Variants in YWHAE observed in about 807,000 individuals in gnomAD.
The protein encoded by YWHAE is 14-3-3 protein epsilon.
A neutral mutation model predicts 30.1 loss-of-function variants in YWHAE; 4 were observed. That is an observed-to-expected ratio of 0.13 (90% CI 0.07 to 0.30). YWHAE has a LOEUF of 0.30. Ranked by LOEUF, YWHAE falls within the 10% of genes least tolerant of loss-of-function variation. The pLI, the probability that YWHAE is intolerant of heterozygous loss-of-function variation, is 1.00. For missense variants in YWHAE, 121 were observed against 315.9 expected, an observed-to-expected ratio of 0.38 and a Z score of 4.68; for synonymous variants, 118 against 111.8, an observed-to-expected ratio of 1.06 and a Z score of -0.35.
At chr17:1,349,592 A>C (rs377638574) in intron 5 of YWHAE, among the ~76,000 whole-genome samples, 6 of 151,480 alleles carry the variant, frequency 4.0e-5, no homozygotes, top group Admixed American at 1.3e-4. Context: ...TCAATAAGGA[A>C]TTGAACACAA....
intron 2 of YWHAE, among the ~76,000 whole-genome samples, chr17:1,362,629 T>C (rs2072881793): frequency 6.6e-6 from 1 of 152,010 alleles, no homozygotes; most frequent in Non-Finnish European, 1.5e-5. Context: ...CTGATCATGC[T>C]GAACACGCAC....
chr17:1,356,832 C>A (rs2072752855), intron 4 of YWHAE, among the ~76,000 whole-genome samples: 1 of 151,810 alleles, frequency 6.6e-6, no homozygotes, highest in Non-Finnish European at 1.5e-5. Flanking sequence ...CAGTCAAGCG[C>A]AGTGAAGCAT....
intron 1 of YWHAE, among the ~76,000 whole-genome samples, chr17:1,376,367 AG>A (rs2073123408): frequency 6.6e-6 from 1 of 151,176 alleles, no homozygotes; most frequent in African/African-American, 2.4e-5. Context: ...AAAGACAGAC[AG>A]ACAGACAGAA....
At chr17:1,392,821 G>A (rs976894167) in intron 1 of YWHAE, among the ~76,000 whole-genome samples, 2 of 151,540 alleles carry the variant, frequency 1.3e-5, no homozygotes, top group African/African-American at 4.9e-5. Context: ...CTGCACTCCA[G>A]CCTGAATGAC....
At chr17:1,398,156 T>A (rs1372098026) in intron 1 of YWHAE, among the ~76,000 whole-genome samples, 1 of 152,122 alleles carries the variant, frequency 6.6e-6, no homozygotes, top group Non-Finnish European at 1.5e-5. Context: ...ACCCACAAAA[T>A]AGAAAGCATT....
At chr17:1,387,038 C>T (rs1010049341) in intron 1 of YWHAE, among the ~76,000 whole-genome samples, 7 of 151,846 alleles carry the variant, frequency 4.6e-5, no homozygotes, top group Non-Finnish European at 7.4e-5. Context: ...TCAGCTTTTG[C>T]TAGGTTAAAA....
At position 1,345,149 on chromosome 17, in the gene YWHAE, C is replaced by T; in HGVS notation, c.*298G>A. On this transcript the variant is annotated 3_prime_UTR_variant, in exon 6 of 6. Coordinates refer to ENST00000264335, the MANE Select transcript of YWHAE (RefSeq NM_006761.5). ...TTTCCATTTGCTAATGGTGATCTTGCCACATCTGGCACGGAGACGACACAG... is the reference window on the plus strand; with the variant it reads ...TTTCCATTTGCTAATGGTGATCTTGTCACATCTGGCACGGAGACGACACAG... The T allele has an allele frequency of 7.1e-6, 3 of 424,816 alleles. No homozygotes were observed. The South Asian group carries it at 1.3e-4, about 18-fold the overall frequency. 26.3% of individuals were successfully genotyped at this position (424,816 alleles called of 1,614,324 possible). A position where few individuals can be genotyped will look rare whatever the true frequency, so the allele number is the denominator to read the frequency against.
At chr17:1,352,489 G>A (rs1298879018) in intron 5 of YWHAE, among the ~76,000 whole-genome samples, 4 of 151,642 alleles carry the variant, frequency 2.6e-5, no homozygotes, top group Admixed American at 6.6e-5. Context: ...CTCAAGCAAC[G>A]CGACATATGT....
intron 1 of YWHAE, among the ~76,000 whole-genome samples, chr17:1,390,617 T>A (rs910731731): frequency 2.0e-5 from 3 of 152,216 alleles, no homozygotes; most frequent in African/African-American, 4.8e-5. Context: ...ATTTGAAAGA[T>A]AAGGAACCCA....
intron 1 of YWHAE, among the ~76,000 whole-genome samples, chr17:1,369,163 CCTTT>C (rs1345582758): frequency 6.6e-6 from 1 of 152,140 alleles, no homozygotes. Context: ...TTTAATAATA[CCTTT>C]ATTTATATAT....
intron 1 of YWHAE, among the ~76,000 whole-genome samples, chr17:1,387,285 C>CATA (rs1267529765): frequency 6.6e-6 from 1 of 152,152 alleles, no homozygotes; most frequent in Non-Finnish European, 1.5e-5. Context: ...GATACTCCCT[C>CATA]ATAAACACGT....
intron 1 of YWHAE, among the ~76,000 whole-genome samples, chr17:1,372,129 C>T (rs1169744796): frequency 1.3e-5 from 2 of 152,176 alleles, no homozygotes; most frequent in African/African-American, 4.8e-5. Flanking sequence ...TGAGCCACCG[C>T]GCTCAGCCGA....
intron 2 of YWHAE, among the ~76,000 whole-genome samples, chr17:1,364,160 A>C (rs2072906979): frequency 6.6e-6 from 1 of 152,018 alleles, no homozygotes; most frequent in Non-Finnish European, 1.5e-5. Context: ...AAATAACTTC[A>C]TTAAATAATC....
At chr17:1,378,167 A>T (rs1021338852) in intron 1 of YWHAE, among the ~76,000 whole-genome samples, 1 of 152,240 alleles carries the variant, frequency 6.6e-6, no homozygotes, top group Non-Finnish European at 1.5e-5. Flanking sequence ...TTTTCTTAAA[A>T]AGGAGTCATC....
At chr17:1,392,911 A>C (rs1013445741) in intron 1 of YWHAE, among the ~76,000 whole-genome samples, 1 of 151,430 alleles carries the variant, frequency 6.6e-6, no homozygotes, top group African/African-American at 2.4e-5. Context: ...GCATTCACTA[A>C]GACAAAGGTG....
At chr17:1,369,671 A>G (rs1380422380) in intron 1 of YWHAE, 1 of 152,104 alleles carries the variant, frequency 6.6e-6, no homozygotes, top group Non-Finnish European at 1.5e-5. Flanking sequence ...CCGCCTCTAC[A>G]CACTTGTCTC....
intron 1 of YWHAE, among the ~76,000 whole-genome samples, chr17:1,370,618 A>C (rs1348252741): frequency 1.3e-5 from 2 of 152,028 alleles, no homozygotes; most frequent in Non-Finnish European, 2.9e-5. Flanking sequence ...TTTAGTAGAG[A>C]CGGGGTTTCA....
intron 1 of YWHAE, among the ~76,000 whole-genome samples, chr17:1,378,096 G>C (rs1217544706): frequency 6.6e-6 from 1 of 152,192 alleles, no homozygotes; most frequent in Non-Finnish European, 1.5e-5. Context: ...GGGATAGTAT[G>C]CAAGTTTGTT....
At chr17:1,364,209 A>C (rs919406129) in intron 2 of YWHAE, among the ~76,000 whole-genome samples, 6 of 143,502 alleles carry the variant, frequency 4.2e-5, no homozygotes, top group Non-Finnish European at 9.0e-5. Context: ...AAATTAACCC[A>C]ATATATTGGT....
Sources: allele counts gnomAD v4.1 joint callset (sites outside exome capture counted in the v4.1 genomes callset), GRCh38; gene constraint gnomAD v4.1.1; transcripts MANE v1.5; gene names NCBI Gene and HGNC (gene_info 2026-07-23, HGNC 2026-07-21).